Variants in CORO7 observed in about 807,000 individuals in gnomAD.
CORO7 encodes the protein coronin-7.
CORO7 carries 107 observed loss-of-function variants against 126.6 expected under a neutral mutation model. The observed-to-expected ratio is 0.85, with a 90% CI of 0.72 to 0.99. CORO7 has a LOEUF of 0.99. Ranked by LOEUF, CORO7 falls within the 50% of genes least tolerant of loss-of-function variation. The pLI is 0.00. For missense variants in CORO7, 1,314 were observed against 1,255.8 expected (o/e 1.05, Z -0.70); for synonymous variants, 603 against 536.8 (o/e 1.12, Z -1.70).
chr16:4,372,283 C>G (rs1020608669), intron 9 of CORO7, among the ~76,000 whole-genome samples: 4 of 152,338 alleles, frequency 2.6e-5, no homozygotes, highest in Admixed American at 2.6e-4. Context: ...CATGCTTCCT[C>G]CTCCCACGGC....
At chr16:4,410,773 G>A (rs1308615391) in intron 3 of CORO7, among the ~76,000 whole-genome samples, 1 of 152,194 alleles carries the variant, frequency 6.6e-6, no homozygotes, top group Non-Finnish European at 1.5e-5. Flanking sequence ...AAATATTCTA[G>A]GATTTCAGGG....
At chr16:4,385,409 G>A (rs911604540) in intron 9 of CORO7, among the ~76,000 whole-genome samples, 12 of 152,094 alleles carry the variant, frequency 7.9e-5, no homozygotes, top group Non-Finnish European at 1.3e-4. Flanking sequence ...CTTCTATGGG[G>A]GTAGGGGGTG....
intron 9 of CORO7, chr16:4,382,676 G>A (rs766817153): frequency 2.4e-5 from 37 of 1,546,704 alleles, no homozygotes; most frequent in Middle Eastern, 3.5e-4. Context: ...TACTGTGTGC[G>A]GCGGGGGCGG....
chr16:4,370,635 C>T (rs2054490735), intron 9 of CORO7, among the ~76,000 whole-genome samples: 1 of 152,204 alleles, frequency 6.6e-6, no homozygotes, highest in Non-Finnish European at 1.5e-5. Context: ...TGGAAAGGGG[C>T]CCTGTGGGGA....
At position 4,360,441 on chromosome 16, in the gene CORO7, C is replaced by G; in HGVS notation, c.2022+3G>C. ...GGCCACTCCCCAGCCCCTGTGTGCTCACCTGCAGGGGCTCAGGGCCACTCC... is the reference window on the plus strand; with the variant it reads ...GGCCACTCCCCAGCCCCTGTGTGCTGACCTGCAGGGGCTCAGGGCCACTCC... On this transcript the variant is annotated splice_donor_region_variant and intron_variant, in intron 20 of 27. Coordinates refer to ENST00000251166, the MANE Select transcript of CORO7 (RefSeq NM_024535.5). The G allele has an allele frequency of 6.2e-7, 1 of 1,612,802 alleles. No homozygotes were observed. Among genetic ancestry groups the G allele is most frequent in the East Asian group, 2.2e-5 (1 of 44,854 alleles).
At position 4,405,646 on chromosome 16, in the gene CORO7, G is replaced by A. The variant is rs190360974; in HGVS notation, c.488-79C>T. 1.6e-3 allele frequency: 2,438 copies of A among 1,519,588 alleles called. 30 individuals carry two copies. The African/African-American group carries it at 0.024, about 15-fold the overall frequency. 94.1% of individuals were successfully genotyped at this position (1,519,588 alleles called of 1,614,324 possible). A position where few individuals can be genotyped will look rare whatever the true frequency, so the allele number is the denominator to read the frequency against. On this transcript the variant is annotated intron_variant, in intron 5 of 27. Transcript: ENST00000251166. ...GGGTGGGGGCGGGCCTTGCTGGGGG[G>A]AACTCCCAGAGCAAAGGCAGCAGCT... is the stretch of plus-strand genomic sequence containing the variant.
chr16:4,369,718 C>G (rs1332249813), intron 9 of CORO7, among the ~76,000 whole-genome samples: 1 of 152,174 alleles, frequency 6.6e-6, no homozygotes, highest in African/African-American at 2.4e-5. Flanking sequence ...CAGCCCATCC[C>G]TCCCGCTCAG....
Position 4,381,469 on chromosome 16 carries a change from C to T in CORO7, c.785+6517G>A, listed in dbSNP as rs747785086. On this transcript the variant is annotated intron_variant, in intron 9 of 27. Coordinates refer to ENST00000251166, the MANE Select transcript of CORO7 (RefSeq NM_024535.5). ...GGACACTGCCAACGTGGAGGCGCTG[C>T]GGCTGGCTGGTCTGGGGCTGCAGCA... 1.6e-5 allele frequency: 26 copies of T among 1,581,228 alleles called. No homozygotes were observed. In the East Asian group the frequency reaches 1.9e-4, roughly 11 times the overall value.
chr16:4,372,888 A>G (rs2054585851), intron 9 of CORO7, among the ~76,000 whole-genome samples: 1 of 152,132 alleles, frequency 6.6e-6, no homozygotes, highest in African/African-American at 2.4e-5. Flanking sequence ...CTTTTGCACC[A>G]AGGACAGGTG....
At chr16:4,410,350 AG>A (rs1170763012) in intron 3 of CORO7, among the ~76,000 whole-genome samples, 1 of 152,120 alleles carries the variant, frequency 6.6e-6, no homozygotes. Flanking sequence ...CCTTGAGCCC[AG>A]GAGTTCAAGA....
At chr16:4,382,305 G>C (rs1172910094) in intron 9 of CORO7, 3 of 1,610,528 alleles carry the variant, frequency 1.9e-6, no homozygotes, top group East Asian at 4.5e-5. Context: ...CCACCTCCCT[G>C]CGCGTGGGGC....
Position 4,359,314 on chromosome 16 carries a change from C to A in CORO7, c.2322G>T (p.Thr774=). 3.7e-6 allele frequency: 6 copies of A among 1,609,800 alleles called. No individual in the cohort carries two copies. Among genetic ancestry groups the A allele is most frequent in the Admixed American group, 1.7e-5 (1 of 59,438 alleles). ...SPFFLECNSF[T]SPDPHKGLVL... ...GCCTCACCTTGTGGGGGTCAGGCGA[C>A]GTGAAGCTGTTGCACTCCAGGAAGA... is the stretch of plus-strand genomic sequence containing the variant. Residue 774 remains threonine, a synonymous_variant, in exon 23 of 28, where the codon ACG becomes ACT. Coordinates refer to ENST00000251166, the MANE Select transcript of CORO7 (RefSeq NM_024535.5).
intron 9 of CORO7, among the ~76,000 whole-genome samples, chr16:4,371,209 G>C (rs548877177): frequency 6.0e-4 from 92 of 152,332 alleles, no homozygotes; most frequent in African/African-American, 2.1e-3. Context: ...TCATAATATG[G>C]TGGGGAAGAG....
chr16:4,382,407 G>A (rs746788880), intron 9 of CORO7: 25 of 1,611,608 alleles, frequency 1.6e-5, no homozygotes, highest in Non-Finnish European at 1.8e-5. Flanking sequence ...GGCTGGTGAC[G>A]CTGCGACTGC....
At position 4,382,976 on chromosome 16, in the gene CORO7, G is replaced by T. The variant is rs540601047; in HGVS notation, c.785+5010C>A. On this transcript the variant is annotated intron_variant, in intron 9 of 27. Coordinates refer to ENST00000251166, the MANE Select transcript of CORO7 (RefSeq NM_024535.5). ...CAGCCCCCTCCTGCTGCCACACCACGTAAGTTCTCAGTCCCAACCTCGGGG... is the reference window on the plus strand; with the variant it reads ...CAGCCCCCTCCTGCTGCCACACCACTTAAGTTCTCAGTCCCAACCTCGGGG... 8.5e-6 allele frequency: 12 copies of T among 1,409,812 alleles called. No homozygotes were observed. The East Asian group carries it at 1.3e-4, about 15-fold the overall frequency. The allele number at this position is 1,409,812 out of a possible 1,614,324, so 87.3% of individuals were successfully genotyped here.
rs112659257 is a variant in CORO7 at position 4,389,058 on chromosome 16, A to G, written c.616-427T>C. Among the ~76,000 whole-genome samples, 499 of 152,240 alleles carry G rather than the reference A, an allele frequency of 3.3e-3. 6 individuals are homozygous for G. Among genetic ancestry groups the G allele is most frequent in the African/African-American group, 0.011 (475 of 41,522 alleles). On this transcript the variant is annotated intron_variant, in intron 7 of 27. Transcript: ENST00000251166. ...CTCTCGCTTGTGTAAGGGGCTCACG[A>G]TGCGGTGCCACCCGCTTCCCAGGGC...
intron 9 of CORO7, among the ~76,000 whole-genome samples, chr16:4,386,595 G>C (rs2055201520): frequency 6.6e-6 from 1 of 152,168 alleles, no homozygotes; most frequent in Non-Finnish European, 1.5e-5. Flanking sequence ...AAGGCGGGGC[G>C]GGTCCCACTG....
At chr16:4,377,901 C>A (rs1341082361) in intron 9 of CORO7, among the ~76,000 whole-genome samples, 1 of 152,236 alleles carries the variant, frequency 6.6e-6, no homozygotes, top group East Asian at 1.9e-4. Context: ...ACAGTCCTGA[C>A]CTAGACCCCT....
intron 6 of CORO7, among the ~76,000 whole-genome samples, chr16:4,395,989 GCACACGT>G (rs1280699820): frequency 6.4e-5 from 3 of 46,696 alleles, no homozygotes; most frequent in Non-Finnish European, 1.1e-4. Flanking sequence ...GTGTGTGCAT[GCACACGT>G]TGTGTGTGTG....
Sources: gnomAD v4.1 joint callset for allele counts (sites outside exome capture counted in the v4.1 genomes callset) on GRCh38, gnomAD v4.1.1 for gene constraint, MANE v1.5 for transcripts, NCBI Gene and HGNC (gene_info 2026-07-23, HGNC 2026-07-21) for gene names.